The following PHKA2 variants were observed in gnomAD, a reference collection of about 807,000 sequenced individuals.
The protein encoded by PHKA2 is phosphorylase kinase regulatory subunit alpha 2.
Under a neutral mutation model 102.0 loss-of-function variants are expected in PHKA2, and 31 were observed. That is an observed-to-expected ratio of 0.30 (90% CI 0.23 to 0.41). PHKA2 has a LOEUF of 0.41. Ranked by LOEUF, PHKA2 falls within the 10% of genes least tolerant of loss-of-function variation. The pLI, the probability that PHKA2 is intolerant of heterozygous loss-of-function variation, is 1.00. For missense variants in PHKA2, 858 were observed against 1,023.1 expected, an observed-to-expected ratio of 0.84 and a Z score of 2.20; for synonymous variants, 455 against 416.2, an observed-to-expected ratio of 1.09 and a Z score of -1.13.
intron 1 of PHKA2, among the ~76,000 whole-genome samples, chrX:18,983,024 G>C (rs2049198541): frequency 8.9e-6 from 1 of 112,090 alleles, no homozygotes; most frequent in African/African-American, 3.2e-5. Flanking sequence ...GTTAAGAAGG[G>C]AAAATGGTCA....
chrX:18,954,139 T>C (rs184706112), intron 2 of PHKA2, 115 bp downstream of exon 2: 3 of 706,272 alleles, frequency 4.2e-6, no homozygotes, highest in African/African-American at 4.2e-5. Context: ...ATAGCAGAAA[T>C]AGAGGAGAGG....
rs145095978 is a variant in PHKA2 at position 18,925,894 on chromosome X, G to C, written c.1460-117C>G. 2.1e-3 allele frequency: 1,103 copies of C among 532,027 alleles called. 6 individuals are homozygous for C. The African/African-American group carries it at 0.023, about 11-fold the overall frequency. 43.8% of individuals were successfully genotyped at this position (532,027 alleles called of 1,213,427 possible). On this transcript the variant is annotated intron_variant, in intron 14 of 32. Coordinates refer to ENST00000379942, the MANE Select transcript of PHKA2 (RefSeq NM_000292.3). ...GATTAGACAACCCATTTTGGGGCTT[G>C]GTTCTTCTACTGCCATCATCCTTTA...
At chrX:18,904,361 A>G (rs2047764031) in intron 26 of PHKA2, among the ~76,000 whole-genome samples, 1 of 112,577 alleles carries the variant, frequency 8.9e-6, no homozygotes, top group Non-Finnish European at 1.9e-5. Flanking sequence ...AAATTGAGCA[A>G]TTACAAAGGA....
chrX:18,939,473 T>C (rs2048452542), intron 9 of PHKA2, among the ~76,000 whole-genome samples: 1 of 111,714 alleles, frequency 9.0e-6, no homozygotes, highest in Admixed American at 9.5e-5. Flanking sequence ...CCACTGCACC[T>C]GGCCTACAAG....
rs779569412 is a variant in PHKA2 at position 18,894,273 on chromosome X, G to T, written c.3468C>A (p.Thr1156=). Residue 1156 remains threonine, a synonymous_variant, in exon 32 of 33, where the codon ACC becomes ACA. Transcript: ENST00000379942. ...VLTLLSDTEM[T]SIGGIIHVDQ... ...CCACGTGGATGATGCCCCCGATGCT[G>T]GTCATCTCCGTGTCCGAGAGCAGCG... The T allele has an allele frequency of 3.8e-5, 46 of 1,210,060 alleles. No individual in the cohort carries two copies. In the South Asian group the frequency reaches 8.1e-4, roughly 21 times the overall value.
At chrX:18,940,158 C>T in intron 8 of PHKA2, 110 bp from the exon 9 acceptor site, 1 of 568,380 alleles carries the variant, frequency 1.8e-6, no homozygotes, top group Admixed American at 2.4e-5. Context: ...GAATTTTATA[C>T]CAAGTGTTCT....
chrX:18,966,384 G>C (rs955033342), intron 1 of PHKA2, among the ~76,000 whole-genome samples: 1 of 110,979 alleles, frequency 9.0e-6, no homozygotes, highest in Non-Finnish European at 1.9e-5. Flanking sequence ...GAGCCACCAT[G>C]TCTGGCCCGT....
chrX:18,954,313 C>T lies in PHKA2; in HGVS notation c.178G>A (p.Ala60Thr). The change falls in exon 2 of 33, where the codon GCC becomes ACC. Residue 60 changes from alanine (A) to threonine (T), a missense_variant. Physicochemically the swap from Ala to Thr is moderately conservative, Grantham distance 58. This residue lies in a region of PHKA2 where 187 missense variants were observed against 277.9 expected (regional missense o/e 0.67). Coordinates refer to ENST00000379942, the MANE Select transcript of PHKA2 (RefSeq NM_000292.3). ...SILAVWGLGM[A>T]YRKNADRDED... Reference sequence around the variant, plus strand: ...TCGCGGTCTGCATTCTTACGGTAGGCCATGCCCAGGCCCCACACGGCCAGG... The same window carrying T: ...TCGCGGTCTGCATTCTTACGGTAGGTCATGCCCAGGCCCCACACGGCCAGG... The T allele has an allele frequency of 8.3e-7, 1 of 1,211,617 alleles. No individual in the cohort carries two copies. Among genetic ancestry groups the T allele is most frequent in the Non-Finnish European group, 1.1e-6 (1 of 895,117 alleles).
chrX:18,903,168 G>A (rs895152671), intron 26 of PHKA2, among the ~76,000 whole-genome samples: 2 of 112,187 alleles, frequency 1.8e-5, no homozygotes, highest in Non-Finnish European at 3.8e-5. Flanking sequence ...TCTGTGACCT[G>A]CCTTTTTGTA....
At chrX:18,907,771 C>T (rs1304994678) in intron 22 of PHKA2, 129 bp downstream of exon 22, 5 of 715,982 alleles carry the variant, frequency 7.0e-6, no homozygotes, top group Non-Finnish European at 1.1e-5. Context: ...GAGAAGGGCC[C>T]GCTCCACCTG....
At chrX:18,980,548 C>A (rs1471308245) in intron 1 of PHKA2, among the ~76,000 whole-genome samples, 1 of 112,411 alleles carries the variant, frequency 8.9e-6, no homozygotes, top group Admixed American at 9.4e-5. Flanking sequence ...AAGCATAGTA[C>A]CTTCCCTTGA....
rs1238366668 is a variant in PHKA2, at chrX:18,918,797, C to T, written c.2021G>A (p.Arg674Lys). 1.7e-6 allele frequency: 2 copies of T among 1,208,583 alleles called. No individual in the cohort carries two copies. Among genetic ancestry groups the T allele is most frequent in the Admixed American group, 2.2e-5 (1 of 45,703 alleles). ...INHLLQSTSL[R>K]SYLPPLCKNT... The stretch of plus-strand genomic sequence containing the variant: ...CTTACAAAGAGGAGGCAGATAGGAC[C>T]TCAACGATGTGCTTTGCAGAAGGTG... Residue 674 changes from arginine (R) to lysine (K), a missense_variant, in exon 19 of 33, where the codon AGG becomes AAG. Coordinates refer to ENST00000379942, the MANE Select transcript of PHKA2 (RefSeq NM_000292.3).
rs143533978 is a variant in PHKA2 at position 18,925,680 on chromosome X, A to G, written c.1557T>C (p.Thr519=). 7 of 1,160,559 alleles carry G rather than the reference A, an allele frequency of 6.0e-6. No homozygotes were observed. Among genetic ancestry groups the G allele is most frequent in the Middle Eastern group, 2.4e-4 (1 of 4,231 alleles). ...KLYVIRNQIF[T]FTPQFTDQHH... is the part of the protein sequence containing the mutation. ...CTGCTCTCCTCACCTGGGGTGTAAA[A>G]GTAAAGATTTGGTTCCTAATCACAT... Residue 519 remains threonine, a synonymous_variant, in exon 15 of 33, where the codon ACT becomes ACC. Coordinates refer to ENST00000379942, the MANE Select transcript of PHKA2 (RefSeq NM_000292.3).
At chrX:18,948,930 C>A in intron 4 of PHKA2, 104 bp from the exon 5 acceptor site, 1 of 568,366 alleles carries the variant, frequency 1.8e-6, no homozygotes, top group Non-Finnish European at 3.0e-6. Context: ...CCCTCATTTT[C>A]ATTTTTCTTC....
intron 29 of PHKA2, 80 bp from the exon 30 acceptor site, chrX:18,897,413 C>T (rs1484013115): frequency 2.0e-6 from 2 of 978,442 alleles, no homozygotes; most frequent in Non-Finnish European, 1.4e-6. Context: ...AAGGGCGGCC[C>T]TGCGACCTAG....
chrX:18,935,635 T>C (rs1186190923), intron 11 of PHKA2, among the ~76,000 whole-genome samples: 2 of 109,291 alleles, frequency 1.8e-5, no homozygotes, highest in Non-Finnish European at 3.8e-5. Context: ...TGGAGTCTCG[T>C]TCTGTAGCCC....
chrX:18,963,769 T>C (rs1321234907), intron 1 of PHKA2, among the ~76,000 whole-genome samples: 3 of 111,956 alleles, frequency 2.7e-5, no homozygotes, highest in African/African-American at 9.7e-5. Context: ...AGCAAACTAC[T>C]TATATCTAAC....
chrX:18,928,445 A>C (rs2048251937), intron 13 of PHKA2, among the ~76,000 whole-genome samples: 1 of 112,399 alleles, frequency 8.9e-6, no homozygotes, highest in South Asian at 3.7e-4. Flanking sequence ...ATCAACATAG[A>C]AACTGCAAGA....
chrX:18,939,827 C>A (rs1410900570), intron 9 of PHKA2, among the ~76,000 whole-genome samples, 168 bp downstream of exon 9: 1 of 112,302 alleles, frequency 8.9e-6, no homozygotes, highest in African/African-American at 3.2e-5. Context: ...ACCGTCCCTA[C>A]TAAAGATACT....
Sources: allele counts gnomAD v4.1 joint callset (sites outside exome capture counted in the v4.1 genomes callset), GRCh38; gene constraint gnomAD v4.1.1; regional missense constraint gnomAD v4.1.1; transcripts MANE v1.5; gene names NCBI Gene and HGNC (gene_info 2026-07-23, HGNC 2026-07-21).